RBFOX1: variants seen among roughly 807,000 people sequenced by gnomAD.
RBFOX1 encodes RNA binding fox-1 homolog 1.
A neutral mutation model predicts 57.7 loss-of-function variants in RBFOX1; 8 were observed. The ratio of observed to expected loss-of-function variants is 0.14; its 90% CI spans 0.08 to 0.25. RBFOX1 has a LOEUF of 0.25. Ranked by LOEUF, RBFOX1 falls within the 10% of genes least tolerant of loss-of-function variation. The pLI is 1.00. For synonymous variants in RBFOX1, 326 were observed against 222.4 expected, an observed-to-expected ratio of 1.47 and a Z score of -4.15; for missense variants, 611 against 548.5, an observed-to-expected ratio of 1.11 and a Z score of -1.14.
intron 3 of RBFOX1, among the ~76,000 whole-genome samples, chr16:6,888,224 A>T (rs1003035526): frequency 6.6e-6 from 1 of 152,208 alleles, no homozygotes; most frequent in African/African-American, 2.4e-5. Flanking sequence ...TTGTAAAACC[A>T]ATGAAAAGAA....
intron 3 of RBFOX1, among the ~76,000 whole-genome samples, chr16:6,903,464 A>T (rs1478331763): frequency 6.6e-6 from 1 of 152,220 alleles, no homozygotes; most frequent in African/African-American, 2.4e-5. Flanking sequence ...CTGTCTTTGA[A>T]TTCTCTAGTG....
chr16:6,634,833 T>A (rs887410500), intron 2 of RBFOX1, among the ~76,000 whole-genome samples: 2 of 139,868 alleles, frequency 1.4e-5, no homozygotes, highest in East Asian at 4.2e-4. Flanking sequence ...GATATACATA[T>A]ATTTGTATTA....
At chr16:6,594,068 T>G (rs1408563245) in intron 2 of RBFOX1, among the ~76,000 whole-genome samples, 5 of 152,156 alleles carry the variant, frequency 3.3e-5, no homozygotes, top group African/African-American at 1.2e-4. Context: ...TGAGGACACT[T>G]GAGTTCATCT....
chr16:7,479,148 G>A (rs116061492), intron 4 of RBFOX1, among the ~76,000 whole-genome samples: 1 of 150,948 alleles, frequency 6.6e-6, no homozygotes, highest in African/African-American at 2.4e-5. Context: ...TTTAGGGACA[G>A]GGTCTCGGTC....
chr16:6,900,266 C>T (rs977885407), intron 3 of RBFOX1, among the ~76,000 whole-genome samples: 4 of 152,160 alleles, frequency 2.6e-5, no homozygotes, highest in Admixed American at 6.5e-5. Context: ...TATTCAAAGT[C>T]AATATGTGTA....
intron 11 of RBFOX1, among the ~76,000 whole-genome samples, chr16:7,653,225 C>T (rs983601691): frequency 1.4e-4 from 22 of 152,034 alleles, no homozygotes; most frequent in African/African-American, 4.4e-4. Flanking sequence ...GTGGGTTGGG[C>T]GTGGTTGGTC....
At chr16:6,899,201 G>C (rs1172273094) in intron 3 of RBFOX1, among the ~76,000 whole-genome samples, 2 of 148,162 alleles carry the variant, frequency 1.3e-5, no homozygotes, top group African/African-American at 5.3e-5. Context: ...GAGTGCATAT[G>C]TGTGTATATG....
intron 4 of RBFOX1, among the ~76,000 whole-genome samples, chr16:5,974,427 G>C (rs1431918671): frequency 6.6e-6 from 1 of 151,902 alleles, no homozygotes; most frequent in Non-Finnish European, 1.5e-5. Flanking sequence ...TGGCCAACAT[G>C]GTGAAACCCC....
At chr16:7,043,352 A>G (rs1028121920) in intron 3 of RBFOX1, among the ~76,000 whole-genome samples, 8 of 152,178 alleles carry the variant, frequency 5.3e-5, no homozygotes, top group African/African-American at 1.4e-4. Context: ...AAAATGTACA[A>G]TGTGTCATTT....
intron 1 of RBFOX1, among the ~76,000 whole-genome samples, chr16:6,287,455 T>C (rs1426067906): frequency 6.6e-6 from 1 of 152,170 alleles, no homozygotes; most frequent in Non-Finnish European, 1.5e-5. Flanking sequence ...TGAGGACATG[T>C]CATGTGTCAA....
chr16:5,403,351 A>G (rs2066768818), intron 1 of RBFOX1, among the ~76,000 whole-genome samples: 1 of 139,960 alleles, frequency 7.1e-6, no homozygotes, highest in Admixed American at 7.0e-5. Flanking sequence ...CGCTGTCTCA[A>G]AAAAAAAAAA....
At chr16:6,889,741 A>C (rs925475823) in intron 3 of RBFOX1, among the ~76,000 whole-genome samples, 1 of 152,156 alleles carries the variant, frequency 6.6e-6, no homozygotes, top group Non-Finnish European at 1.5e-5. Context: ...GTAATCTTGG[A>C]ATAGACCCTT....
At chr16:5,705,734 G>A (rs1030059511) in intron 3 of RBFOX1, among the ~76,000 whole-genome samples, 4 of 152,170 alleles carry the variant, frequency 2.6e-5, no homozygotes, top group African/African-American at 9.6e-5. Flanking sequence ...AAGCAAAGCA[G>A]GTGGGCTTTT....
At chr16:7,599,561 C>A (rs548762584) in intron 9 of RBFOX1, among the ~76,000 whole-genome samples, 42 of 150,848 alleles carry the variant, frequency 2.8e-4, no homozygotes, top group African/African-American at 9.6e-4. Flanking sequence ...CAAATGAAGT[C>A]CTATAAAGAG....
chr16:7,022,346 G>A (rs1597262320), intron 3 of RBFOX1, among the ~76,000 whole-genome samples: 1 of 151,576 alleles, frequency 6.6e-6, no homozygotes, highest in Non-Finnish European at 1.5e-5. Flanking sequence ...AACCACCACT[G>A]CACCTGGCCG....
At position 6,774,335 on chromosome 16, in the gene RBFOX1, G is replaced by A. The variant is rs75711894; in HGVS notation, c.-16+119685G>A. On this transcript the variant is annotated intron_variant, in intron 3 of 15. Coordinates refer to ENST00000550418, the MANE Select transcript of RBFOX1 (RefSeq NM_018723.4). Reference sequence around the variant, plus strand: ...GGAAAGTATCAGAATGCAGCCATTAGGGCTGGACATTTCTAACTGGCCAAG... The same window carrying A: ...GGAAAGTATCAGAATGCAGCCATTAAGGCTGGACATTTCTAACTGGCCAAG... Among the ~76,000 whole-genome samples, 666 of 151,986 alleles carry A rather than the reference G, an allele frequency of 4.4e-3. 4 individuals are homozygous for A. The highest frequency in any genetic ancestry group is 0.016 in the African/African-American group (648 of 41,420).
intron 3 of RBFOX1, among the ~76,000 whole-genome samples, chr16:6,860,529 A>G (rs924934936): frequency 6.6e-6 from 1 of 152,202 alleles, no homozygotes; most frequent in African/African-American, 2.4e-5. Flanking sequence ...GACATTCAAG[A>G]TGCATGTAGT....
chr16:7,336,062 T>C (rs2096781322), intron 4 of RBFOX1, among the ~76,000 whole-genome samples: 1 of 152,222 alleles, frequency 6.6e-6, no homozygotes, highest in African/African-American at 2.4e-5. Flanking sequence ...GAAGAACCAA[T>C]GTACTACTTA....
At chr16:7,381,878 C>G (rs368294314) in intron 4 of RBFOX1, among the ~76,000 whole-genome samples, 3 of 152,156 alleles carry the variant, frequency 2.0e-5, no homozygotes, top group South Asian at 4.1e-4. Flanking sequence ...CATCTCTAGC[C>G]TCTCCTGACT....
Sources: allele counts gnomAD v4.1 joint callset (sites outside exome capture counted in the v4.1 genomes callset), GRCh38; gene constraint gnomAD v4.1.1; transcripts MANE v1.5; gene names NCBI Gene and HGNC (gene_info 2026-07-23, HGNC 2026-07-21).